Variants in LIMCH1 observed in about 807,000 individuals in gnomAD.
The protein encoded by LIMCH1 is LIM and calponin homology domains-containing protein 1.
In LIMCH1, 113 loss-of-function variants were observed where a neutral mutation model predicts 176.5. That is an observed-to-expected ratio of 0.64 (90% CI 0.55 to 0.75). The LOEUF is 0.75. Among genes scored for constraint, LIMCH1 ranks in the 30% least tolerant of loss-of-function variants. LIMCH1 has a pLI of 0.00. For synonymous variants in LIMCH1, 619 were observed against 645.9 expected (o/e 0.96, Z 0.63); for missense variants, 1,674 against 1,814.9 (o/e 0.92, Z 1.41).
chr4:41,621,812 G>A (rs114942272), intron 7 of LIMCH1, among the ~76,000 whole-genome samples: 2,620 of 152,124 alleles, frequency 0.017, 73 homozygotes, highest in African/African-American at 0.055. Flanking sequence ...GGTCACCACC[G>A]ACCTGGTGAT....
chr4:41,651,425 T>C (rs2094293523), intron 18 of LIMCH1, among the ~76,000 whole-genome samples: 1 of 152,142 alleles, frequency 6.6e-6, no homozygotes, highest in Non-Finnish European at 1.5e-5. Context: ...ACTTTCTGAG[T>C]AGTAAGGGTT....
upstream of LIMCH1, chr4:41,359,748 C>T (rs146622980): frequency 6.6e-6 from 1 of 152,184 alleles, no homozygotes; most frequent in East Asian, 1.9e-4. Context: ...ATGCACGTCT[C>T]TCTTCAGCTC....
upstream of LIMCH1, among the ~76,000 whole-genome samples, chr4:41,533,381 G>A (rs1374645019): frequency 6.6e-6 from 1 of 152,198 alleles, no homozygotes; most frequent in Non-Finnish European, 1.5e-5. Flanking sequence ...GAAGCTGCTT[G>A]TCCCGATGAA....
chr4:41,566,420 T>C (rs6447093), intron 1 of LIMCH1, among the ~76,000 whole-genome samples: 35,031 of 152,070 alleles, frequency 0.23, 4,732 homozygotes, highest in African/African-American at 0.37. Flanking sequence ...ATCCATGGGC[T>C]GCAGAGCTTT....
At chr4:41,458,591 T>G (rs2064903988) in intron 1 of LIMCH1, among the ~76,000 whole-genome samples, 1 of 151,714 alleles carries the variant, frequency 6.6e-6, no homozygotes, top group African/African-American at 2.4e-5. Flanking sequence ...CTGGCCAACA[T>G]GGTGAAACCC....
chr4:41,395,092 T>C (rs1413694127), intron 1 of LIMCH1, among the ~76,000 whole-genome samples: 1 of 152,250 alleles, frequency 6.6e-6, no homozygotes, highest in Non-Finnish European at 1.5e-5. Flanking sequence ...GTCTATGTTG[T>C]ATGGTTCTTC....
At chr4:41,489,569 T>A (rs2070355844) in intron 1 of LIMCH1, among the ~76,000 whole-genome samples, 1 of 152,210 alleles carries the variant, frequency 6.6e-6, no homozygotes, top group East Asian at 1.9e-4. Flanking sequence ...TGTTATTTAG[T>A]TTAAAAATAT....
intron 2 of LIMCH1, among the ~76,000 whole-genome samples, chr4:41,520,207 C>T (rs1240471950): frequency 1.3e-5 from 2 of 152,138 alleles, no homozygotes; most frequent in African/African-American, 4.8e-5. Context: ...CTGGATTTTG[C>T]TTACACCTTG....
chr4:41,429,985 G>C (rs369089192), intron 1 of LIMCH1, among the ~76,000 whole-genome samples: 2 of 152,194 alleles, frequency 1.3e-5, no homozygotes, highest in Admixed American at 1.3e-4. Context: ...AAATGGCCAT[G>C]CCTAACTTCA....
At chr4:41,370,042 G>A (rs1441462620) in intron 1 of LIMCH1, among the ~76,000 whole-genome samples, 1 of 151,808 alleles carries the variant, frequency 6.6e-6, no homozygotes, top group Non-Finnish European at 1.5e-5. Context: ...TGATTTCTCT[G>A]TTGGCCCTTG....
chr4:41,374,566 AT>A (rs5857794), intron 1 of LIMCH1, among the ~76,000 whole-genome samples: 46,282 of 149,054 alleles, frequency 0.31, 10,689 homozygotes, highest in African/African-American at 0.66. Flanking sequence ...TTTTCATTCA[AT>A]TTTTTTTTTT....
At chr4:41,415,308 A>G (rs2059827429) in intron 1 of LIMCH1, among the ~76,000 whole-genome samples, 1 of 152,112 alleles carries the variant, frequency 6.6e-6, no homozygotes, top group Non-Finnish European at 1.5e-5. Context: ...GTGTGTCCTG[A>G]AGATGTATTA....
At chr4:41,461,641 TG>T (rs1005275551) in intron 1 of LIMCH1, among the ~76,000 whole-genome samples, 1 of 152,198 alleles carries the variant, frequency 6.6e-6, no homozygotes, top group African/African-American at 2.4e-5. Flanking sequence ...CAGGGTTTAC[TG>T]GGGTTGTGTT....
chr4:41,532,263 C>T (rs1416252533), intron 3 of LIMCH1, among the ~76,000 whole-genome samples: 1 of 152,156 alleles, frequency 6.6e-6, no homozygotes, highest in Non-Finnish European at 1.5e-5. Flanking sequence ...TATTTACTGC[C>T]TCCCAGGTTG....
At position 41,644,565 on chromosome 4, in the gene LIMCH1, G is replaced by A. The variant is rs886539126; in HGVS notation, c.2192G>A (p.Arg731His). The A allele has an allele frequency of 3.8e-5, 61 of 1,608,440 alleles. No homozygotes were observed. The highest frequency in any genetic ancestry group is 4.9e-5 in the Non-Finnish European group (58 of 1,177,694). Reference sequence around the variant, plus strand: ...GCGGTGCAGCCGCACAGCAGGGCCCGCCAGGAGCAGCTGCAGCTGATAAAT... The same window carrying A: ...GCGGTGCAGCCGCACAGCAGGGCCCACCAGGAGCAGCTGCAGCTGATAAAT... The part of the protein sequence containing the change: ...EAAVQPHSRA[R>H]QEQLQLINNQ... The change falls in exon 15 of 32, where the codon CGC (arginine) becomes CAC (histidine). Residue 731 changes from arginine (R) to histidine (H), a missense_variant. Physicochemically the swap from Arg to His is conservative, Grantham distance 29. Transcript: ENST00000503057.
intron 1 of LIMCH1, among the ~76,000 whole-genome samples, chr4:41,427,255 A>G (rs2061198385): frequency 6.6e-6 from 1 of 152,080 alleles, no homozygotes; most frequent in Non-Finnish European, 1.5e-5. Context: ...TGAACTGCAT[A>G]GGGCCTGCCT....
rs538151885 is a variant in LIMCH1 at position 41,371,976 on chromosome 4, G to A, written c.96+11040G>A. ...TCATGTGAGATTTTTATTAACACTT[G>A]CGTATTTTGTACCACCAAATAGCAG... On this transcript the variant is annotated intron_variant, in intron 1 of 26. Coordinates refer to the LIMCH1 transcript ENST00000313860. Among the ~76,000 whole-genome samples the A allele has an allele frequency of 2.5e-4, 38 of 152,312 alleles. 1 individual carries two copies. Among genetic ancestry groups the A allele is most frequent in the African/African-American group, 8.9e-4 (37 of 41,576 alleles).
At chr4:41,435,756 G>T (rs915451236) in intron 1 of LIMCH1, among the ~76,000 whole-genome samples, 5 of 152,188 alleles carry the variant, frequency 3.3e-5, no homozygotes, top group African/African-American at 1.2e-4. Flanking sequence ...AATCTAAGCT[G>T]CAGAGACACT....
At chr4:41,642,832 G>A (rs183843846) in intron 14 of LIMCH1, among the ~76,000 whole-genome samples, 1,964 of 150,730 alleles carry the variant, frequency 0.013, 23 homozygotes, top group Non-Finnish European at 0.018. Flanking sequence ...GCCCACCTTG[G>A]CCTCCCAGAG....
Sources: allele counts gnomAD v4.1 joint callset (sites outside exome capture counted in the v4.1 genomes callset), GRCh38; gene constraint gnomAD v4.1.1; transcripts MANE v1.5; gene names NCBI Gene and HGNC (gene_info 2026-07-23, HGNC 2026-07-21).